Variants in PYGL observed in about 807,000 individuals in gnomAD.
PYGL encodes glycogen phosphorylase, liver form.
PYGL carries 90 observed loss-of-function variants against 100.1 expected under a neutral mutation model. The ratio of observed to expected loss-of-function variants is 0.90; its 90% CI spans 0.76 to 1.07. PYGL has a LOEUF of 1.07. PYGL is among the 50% of genes least tolerant of loss of function. The pLI is 0.00. For missense variants in PYGL, 1,016 were observed against 1,057.6 expected, an observed-to-expected ratio of 0.96 and a Z score of 0.55; for synonymous variants, 373 against 393.0, an observed-to-expected ratio of 0.95 and a Z score of 0.60.
chr14:50,915,997 C>T, intron 9 of PYGL, 26 bp from the exon 10 acceptor site: 3 of 1,613,534 alleles, frequency 1.9e-6, no homozygotes, highest in Non-Finnish European at 2.5e-6. Flanking sequence ...GAGTCAGCTG[C>T]TTGCCCTGAA....
chr14:50,918,388 C>T (rs989023357), intron 7 of PYGL, among the ~76,000 whole-genome samples: 4 of 152,160 alleles, frequency 2.6e-5, no homozygotes, highest in African/African-American at 4.8e-5. Flanking sequence ...TACACACACA[C>T]GTTTATAGCA....
Position 50,930,200 on chromosome 14 carries a change from G to A in PYGL, c.528+1473C>T, listed in dbSNP as rs181687503. ...TATTAAAGCATCCTCCTTTTCTTAG[G>A]CAAAATTAGCATTTTATTGTGTGCT... On this transcript the variant is annotated intron_variant, in intron 4 of 19. Coordinates refer to ENST00000216392, the MANE Select transcript of PYGL (RefSeq NM_002863.5). Among the ~76,000 whole-genome samples, 559 of 152,052 alleles carry A rather than the reference G, an allele frequency of 3.7e-3. 6 individuals are homozygous for A. The highest frequency in any genetic ancestry group is 0.012 in the African/African-American group (484 of 41,492).
rs2050669530 is a variant in PYGL, at chr14:50,937,895, A to G, written c.244-58T>C. ...CCAAGAGATCAACCTCACTTAACAT[A>G]AAAACACAAGGTCATGTGTTAGGTC... On this transcript the variant is annotated intron_variant, in intron 1 of 19. Coordinates refer to ENST00000216392, the MANE Select transcript of PYGL (RefSeq NM_002863.5). 5.5e-6 allele frequency: 8 copies of G among 1,452,032 alleles called. No individual in the cohort carries two copies. In the South Asian group the frequency reaches 8.0e-5, roughly 14 times the overall value. The allele number at this position is 1,452,032 out of a possible 1,614,324, so 89.9% of individuals were successfully genotyped here.
chr14:50,914,971 T>C (rs957253116), intron 11 of PYGL, among the ~76,000 whole-genome samples, 156 bp from the exon 12 acceptor site: 2 of 152,192 alleles, frequency 1.3e-5, no homozygotes, highest in East Asian at 3.8e-4. Context: ...ATGGCTGTCA[T>C]TTAAATAGAA....
chr14:50,912,344 G>T (rs770958362), intron 13 of PYGL, 41 bp from the exon 14 acceptor site: 90 of 1,605,260 alleles, frequency 5.6e-5, no homozygotes, highest in Non-Finnish European at 7.1e-5. Context: ...TTTTGGCCTA[G>T]AAGAATTGGG....
At chr14:50,938,454 C>T (rs1039596493) in intron 1 of PYGL, among the ~76,000 whole-genome samples, 1 of 152,164 alleles carries the variant, frequency 6.6e-6, no homozygotes, top group Non-Finnish European at 1.5e-5. Context: ...TCAGGTGATC[C>T]GCCCACCTCG....
chr14:50,933,741 T>C (rs2050625039), intron 3 of PYGL, among the ~76,000 whole-genome samples: 1 of 152,168 alleles, frequency 6.6e-6, no homozygotes, highest in South Asian at 2.1e-4. Context: ...TCACATTATA[T>C]ACATATGTAC....
intron 3 of PYGL, among the ~76,000 whole-genome samples, 161 bp downstream of exon 3, chr14:50,934,946 T>C (rs2050639981): frequency 1.3e-5 from 2 of 152,216 alleles, no homozygotes; most frequent in Admixed American, 1.3e-4. Context: ...CTAGAATTGA[T>C]CAAACCAAAG....
At position 50,920,654 on chromosome 14, in the gene PYGL, A is replaced by G. The variant is rs763237387; in HGVS notation, c.773-31T>C. On this transcript the variant is annotated intron_variant, in intron 6 of 19. Coordinates refer to ENST00000216392, the MANE Select transcript of PYGL (RefSeq NM_002863.5). Reference sequence around the variant, plus strand: ...GGAAAGTTAGAGAAACAATAAATAGAGAAACCAGCCATTGTTGTTGGAAAC... The same window carrying G: ...GGAAAGTTAGAGAAACAATAAATAGGGAAACCAGCCATTGTTGTTGGAAAC... 9.0e-6 allele frequency: 14 copies of G among 1,562,770 alleles called. No individual in the cohort carries two copies. Among genetic ancestry groups the G allele is most frequent in the Non-Finnish European group, 1.2e-5 (14 of 1,133,456 alleles).
chr14:50,909,831 G>A (rs2050373928), intron 17 of PYGL, 64 bp downstream of exon 17: 2 of 1,567,802 alleles, frequency 1.3e-6, no homozygotes, highest in Non-Finnish European at 8.8e-7. Flanking sequence ...GAAGCCCTCT[G>A]AGGTCACATA....
chr14:50,935,758 ATG>A (rs1398450223), intron 2 of PYGL, among the ~76,000 whole-genome samples: 2 of 152,246 alleles, frequency 1.3e-5, no homozygotes, highest in Non-Finnish European at 2.9e-5. Flanking sequence ...TCATCTTTTC[ATG>A]ACCACAGCAT....
chr14:50,937,529 T>C (rs1382954053), intron 2 of PYGL, among the ~76,000 whole-genome samples: 2 of 152,254 alleles, frequency 1.3e-5, no homozygotes, highest in African/African-American at 4.8e-5. Context: ...TCATGAGTCA[T>C]AACGAGTTAT....
chr14:50,905,217 T>C lies in PYGL; in HGVS notation c.*175A>G. ...TATAAAATAAGTTTTGGCACTCATGTAGCCCTTGGAAATTGACACTTTATT... is the reference window on the plus strand; with the variant it reads ...TATAAAATAAGTTTTGGCACTCATGCAGCCCTTGGAAATTGACACTTTATT... On this transcript the variant is annotated 3_prime_UTR_variant, in exon 20 of 20. Coordinates refer to ENST00000216392, the MANE Select transcript of PYGL (RefSeq NM_002863.5). 7 of 669,212 alleles carry C rather than the reference T, an allele frequency of 1.0e-5. No homozygotes were observed. In the South Asian group the frequency reaches 1.4e-4, roughly 13 times the overall value. The allele number at this position is 669,212 out of a possible 1,614,324, so 41.5% of individuals were successfully genotyped here.
intron 10 of PYGL, 143 bp downstream of exon 10, chr14:50,915,682 C>T: frequency 1.4e-6 from 2 of 1,417,152 alleles, no homozygotes; most frequent in Non-Finnish European, 1.9e-6. Context: ...AAAAAGCTGC[C>T]TTTGTTGGAG....
chr14:50,913,342 A>T (rs951542188), intron 12 of PYGL: 1 of 276,830 alleles, frequency 3.6e-6, no homozygotes, highest in Admixed American at 5.2e-5. Context: ...AGCAGTTTTT[A>T]AAAATTATTT....
intron 13 of PYGL, among the ~76,000 whole-genome samples, chr14:50,912,568 C>G (rs557328638): frequency 1.3e-5 from 2 of 152,238 alleles, no homozygotes; most frequent in Admixed American, 1.3e-4. Flanking sequence ...GTCTTGAATG[C>G]CTGACCTCAG....
intron 4 of PYGL, among the ~76,000 whole-genome samples, chr14:50,925,197 A>G (rs1189553990): frequency 1.3e-5 from 2 of 152,220 alleles, no homozygotes; most frequent in Admixed American, 1.3e-4. Context: ...TGGTAACACG[A>G]TGGTGTTTGT....
At chr14:50,906,961 A>G (rs1378940545) in intron 19 of PYGL, among the ~76,000 whole-genome samples, 2 of 152,178 alleles carry the variant, frequency 1.3e-5, no homozygotes, top group Non-Finnish European at 2.9e-5. Context: ...CTACCCTTTT[A>G]TCTGCCTTGG....
Position 50,935,130 on chromosome 14 carries a change from T to C in PYGL, c.401A>G (p.Asn134Ser), listed in dbSNP as rs780574052. The C allele has an allele frequency of 1.1e-5, 17 of 1,612,596 alleles. No homozygotes were observed. The Admixed American group carries it at 2.0e-4, about 19-fold the overall frequency. ...ACCAGCAAGTCTCCCAAGACCACCATTGCCAAGTCCAGCATCTTCTTCAAT... is the reference window on the plus strand; with the variant it reads ...ACCAGCAAGTCTCCCAAGACCACCACTGCCAAGTCCAGCATCTTCTTCAAT... ...EEIEEDAGLG[N>S]GGLGRLAACF... Residue 134 changes from asparagine to serine, a missense_variant, in exon 3 of 20, where the codon AAT becomes AGT. Transcript: ENST00000216392.
Sources: allele counts gnomAD v4.1 joint callset (sites outside exome capture counted in the v4.1 genomes callset), GRCh38; gene constraint gnomAD v4.1.1; transcripts MANE v1.5; gene names NCBI Gene and HGNC (gene_info 2026-07-23, HGNC 2026-07-21).